TMCC1: variants seen among roughly 807,000 people sequenced by gnomAD.
The protein encoded by TMCC1 is transmembrane and coiled-coil domain family 1.
In TMCC1, 15 loss-of-function variants were observed where a neutral mutation model predicts 52.4. The observed-to-expected ratio is 0.29, with a 90% CI of 0.19 to 0.44. TMCC1 has a LOEUF of 0.44. Among genes scored for constraint, TMCC1 ranks in the 20% least tolerant of loss-of-function variants. The probability of loss-of-function intolerance (pLI) is 1.00; values close to 1 mark genes in which losing one functional copy is unlikely to be tolerated. For synonymous variants in TMCC1, 279 were observed against 301.9 expected (o/e 0.92, Z 0.79); for missense variants, 503 against 806.0 (o/e 0.62, Z 4.55).
At chr3:129,697,030 C>T (rs1163398600) in intron 4 of TMCC1, among the ~76,000 whole-genome samples, 2 of 152,166 alleles carry the variant, frequency 1.3e-5, no homozygotes. Context: ...GATCTACCAT[C>T]CTGGGGTCTG....
chr3:129,662,357 C>T (rs1020171979), intron 5 of TMCC1, among the ~76,000 whole-genome samples: 9 of 152,136 alleles, frequency 5.9e-5, no homozygotes, highest in Non-Finnish European at 1.2e-4. Flanking sequence ...CTGTATGGTA[C>T]AGTCAATTGT....
chr3:129,881,014 C>A (rs1469446557), intron 1 of TMCC1, among the ~76,000 whole-genome samples: 1 of 152,044 alleles, frequency 6.6e-6, no homozygotes, highest in African/African-American at 2.4e-5. Context: ...CAGGCGCTTA[C>A]CACCATGCCA....
chr3:129,836,702 G>C (rs970345284), intron 2 of TMCC1, among the ~76,000 whole-genome samples: 3 of 152,240 alleles, frequency 2.0e-5, no homozygotes, highest in African/African-American at 7.2e-5. Flanking sequence ...TCCCAGTGCA[G>C]ATAGGAAGAT....
intron 2 of TMCC1, among the ~76,000 whole-genome samples, chr3:129,879,142 ATTAT>A (rs1165608785): frequency 6.6e-6 from 1 of 152,130 alleles, no homozygotes; most frequent in African/African-American, 2.4e-5. Flanking sequence ...ACATTTATGC[ATTAT>A]TTATTTATTT....
At chr3:129,850,905 C>T (rs1019428156) in intron 2 of TMCC1, among the ~76,000 whole-genome samples, 3 of 152,238 alleles carry the variant, frequency 2.0e-5, no homozygotes, top group African/African-American at 7.2e-5. Context: ...ACACAGATCG[C>T]TCATGCTATT....
At chr3:129,774,608 T>C (rs1475640191) in intron 4 of TMCC1, among the ~76,000 whole-genome samples, 1 of 152,128 alleles carries the variant, frequency 6.6e-6, no homozygotes, top group Non-Finnish European at 1.5e-5. Flanking sequence ...GCAACTAACC[T>C]AGAGCTGGCA....
chr3:129,713,953 T>C (rs1370289477), intron 4 of TMCC1, among the ~76,000 whole-genome samples: 4 of 152,150 alleles, frequency 2.6e-5, no homozygotes. Context: ...GAATACTCGA[T>C]CTTTCATTCT....
chr3:129,722,900 A>G (rs2049736586), intron 4 of TMCC1, among the ~76,000 whole-genome samples: 2 of 152,372 alleles, frequency 1.3e-5, no homozygotes, highest in African/African-American at 4.8e-5. Context: ...ATTATCAACC[A>G]TAAGGCATAA....
chr3:129,688,792 G>A (rs1321496851), intron 4 of TMCC1: 2 of 972,110 alleles, frequency 2.1e-6, no homozygotes, highest in East Asian at 2.3e-4. Context: ...TTCTCCAGCT[G>A]TGAGCATCTT....
intron 4 of TMCC1, among the ~76,000 whole-genome samples, chr3:129,792,393 G>A (rs1490356458): frequency 6.6e-6 from 1 of 151,814 alleles, no homozygotes; most frequent in Non-Finnish European, 1.5e-5. Flanking sequence ...TGTCACCCAG[G>A]CTGGAGTGCA....
intron 4 of TMCC1, among the ~76,000 whole-genome samples, chr3:129,705,423 T>C (rs193196863): frequency 6.6e-6 from 1 of 152,144 alleles, no homozygotes; most frequent in Admixed American, 6.5e-5. Context: ...GAAGAGGAGT[T>C]GATAATTTCC....
chr3:129,760,286 C>A (rs1560352033), intron 4 of TMCC1, among the ~76,000 whole-genome samples: 1 of 152,084 alleles, frequency 6.6e-6, no homozygotes, highest in Non-Finnish European at 1.5e-5. Flanking sequence ...CACAGCTTAC[C>A]GCAGCCTCGA....
At chr3:129,866,306 T>A (rs1430524545) in intron 2 of TMCC1, among the ~76,000 whole-genome samples, 2 of 122,948 alleles carry the variant, frequency 1.6e-5, no homozygotes, top group Non-Finnish European at 3.5e-5. Context: ...ATATAATATA[T>A]ACATATATTA....
intron 4 of TMCC1, among the ~76,000 whole-genome samples, chr3:129,770,451 G>C (rs767518529): frequency 6.6e-5 from 10 of 152,116 alleles, no homozygotes; most frequent in Non-Finnish European, 1.2e-4. Context: ...AGGAGGTAGA[G>C]GTTGCAGTCC....
intron 5 of TMCC1, among the ~76,000 whole-genome samples, chr3:129,669,427 T>C (rs2087733508): frequency 1.3e-5 from 2 of 152,042 alleles, no homozygotes. Flanking sequence ...GATGTATCCT[T>C]AGAAAAAAAT....
At chr3:129,843,911 CAAA>C (rs11391229) in intron 2 of TMCC1, among the ~76,000 whole-genome samples, 2 of 135,616 alleles carry the variant, frequency 1.5e-5, no homozygotes, top group African/African-American at 5.4e-5. Context: ...CAGACACTAC[CAAA>C]AAAAAAAAAA....
intron 4 of TMCC1, among the ~76,000 whole-genome samples, chr3:129,760,468 G>GTGTGTA (rs1189938946): frequency 4.7e-5 from 7 of 149,700 alleles, no homozygotes; most frequent in Non-Finnish European, 1.0e-4. Flanking sequence ...GTGTGTGTGT[G>GTGTGTA]TGTGTGTGTG....
chr3:129,801,080 C>A (rs1006157583), intron 4 of TMCC1, among the ~76,000 whole-genome samples: 1 of 151,932 alleles, frequency 6.6e-6, no homozygotes, highest in African/African-American at 2.4e-5. Flanking sequence ...CCCGCCACCA[C>A]GCCCAGCTGA....
chr3:129,820,486 T>C (rs925998971), intron 4 of TMCC1, among the ~76,000 whole-genome samples: 12 of 152,038 alleles, frequency 7.9e-5, no homozygotes, highest in African/African-American at 2.7e-4. Context: ...ATATTCTGAT[T>C]GGCCCTAACT....
Sources: gnomAD v4.1 joint callset for allele counts (sites outside exome capture counted in the v4.1 genomes callset) on GRCh38, gnomAD v4.1.1 for gene constraint, MANE v1.5 for transcripts, NCBI Gene and HGNC (gene_info 2026-07-23, HGNC 2026-07-21) for gene names.